Variants in CTNND2 observed in about 807,000 individuals in gnomAD.
The protein encoded by CTNND2 is catenin delta-2.
CTNND2 carries 22 observed loss-of-function variants against 144.4 expected under a neutral mutation model. The ratio of observed to expected loss-of-function variants is 0.15; its 90% CI spans 0.11 to 0.22. CTNND2 has a LOEUF of 0.22. CTNND2 is among the 10% of genes least tolerant of loss of function. The pLI, the probability that CTNND2 is intolerant of heterozygous loss-of-function variation, is 1.00. For synonymous variants in CTNND2, 751 were observed against 695.6 expected (o/e 1.08, Z -1.25); for missense variants, 1,353 against 1,618.8 (o/e 0.84, Z 2.82).
At chr5:11,235,715 C>G (rs1262380118) in intron 10 of CTNND2, among the ~76,000 whole-genome samples, 2 of 152,198 alleles carry the variant, frequency 1.3e-5, no homozygotes, top group Non-Finnish European at 2.9e-5. Context: ...GCTCTATATT[C>G]ATTCCACAAA....
At chr5:11,090,879 G>A (rs759538794) in intron 15 of CTNND2, among the ~76,000 whole-genome samples, 2 of 151,580 alleles carry the variant, frequency 1.3e-5, no homozygotes, top group African/African-American at 4.9e-5. Flanking sequence ...AGAAATCTGC[G>A]GTCTTCCTTA....
At chr5:11,892,067 C>T (rs1252616541) in intron 1 of CTNND2, among the ~76,000 whole-genome samples, 3 of 152,130 alleles carry the variant, frequency 2.0e-5, no homozygotes, top group Non-Finnish European at 4.4e-5. Context: ...CTTCTGACAT[C>T]ATAATATTCT....
chr5:11,104,786 T>G, intron 14 of CTNND2, among the ~76,000 whole-genome samples: 1 of 152,206 alleles, frequency 6.6e-6, no homozygotes, highest in African/African-American at 2.4e-5. Context: ...TATGTGGCAC[T>G]GCATTGTCTC....
intron 10 of CTNND2, among the ~76,000 whole-genome samples, chr5:11,229,840 TG>T (rs1727924846): frequency 6.6e-6 from 1 of 151,892 alleles, no homozygotes; most frequent in African/African-American, 2.4e-5. Flanking sequence ...CTCCTCTTTT[TG>T]TATAACTGTC....
chr5:11,770,467 T>A lies in CTNND2; in HGVS notation c.38-38195A>T, dbSNP rs1261030914. ...AGGAAGGAAGGAAGGAAGGAAGGGG[T>A]AGGGGTAGGGGAAGGGGAAGGAAGA... On this transcript the variant is annotated intron_variant, in intron 1 of 21. Transcript: ENST00000304623. Among the ~76,000 whole-genome samples the A allele has an allele frequency of 1.1e-3, 138 of 123,734 alleles. 2 individuals carry two copies. The highest frequency in any genetic ancestry group is 4.2e-3 in the African/African-American group (110 of 26,390). 81.2% of individuals were successfully genotyped at this position (123,734 alleles called of 152,430 possible).
chr5:11,111,040 C>A lies in CTNND2; in HGVS notation c.2281G>T (p.Val761Phe). The change falls in exon 14 of 22, where the codon GTT (valine) becomes TTT (phenylalanine). Residue 761 changes from valine (V) to phenylalanine (F), a missense_variant. By Grantham distance (50) the Val-to-Phe change is conservative. This residue lies in a region of CTNND2 where 459 missense variants were observed against 674.3 expected (regional missense o/e 0.68). Coordinates refer to ENST00000304623, the MANE Select transcript of CTNND2 (RefSeq NM_001332.4). ...CTTAAAATGCACACACAGTTTTCAA[C>A]GGTCTGCAGAAAAGGGGGAAACAGA... ...LGSSEIDSKT[V>F]ENCVCILRNL... 1 of 1,612,046 alleles carries A rather than the reference C, an allele frequency of 6.2e-7. No individual in the cohort carries two copies. Among genetic ancestry groups the A allele is most frequent in the Non-Finnish European group, 8.5e-7 (1 of 1,178,344 alleles).
At chr5:11,138,401 A>G (rs1208440008) in intron 12 of CTNND2, among the ~76,000 whole-genome samples, 3 of 152,172 alleles carry the variant, frequency 2.0e-5, no homozygotes, top group African/African-American at 4.8e-5. Context: ...TTTGGGGGCC[A>G]CTATTCTGTC....
intron 3 of CTNND2, among the ~76,000 whole-genome samples, chr5:11,505,339 G>GA (rs1254425914): frequency 6.6e-6 from 1 of 152,166 alleles, no homozygotes; most frequent in Non-Finnish European, 1.5e-5. Context: ...GAGAAGTTGA[G>GA]AAAATCCAGT....
intron 1 of CTNND2, among the ~76,000 whole-genome samples, chr5:11,878,525 C>A (rs771371501): frequency 6.6e-6 from 1 of 152,082 alleles, no homozygotes; most frequent in Non-Finnish European, 1.5e-5. Context: ...TGTTCTATAC[C>A]CCAGATCTCA....
chr5:11,024,456 G>A (rs578128500), intron 16 of CTNND2, among the ~76,000 whole-genome samples: 2 of 152,200 alleles, frequency 1.3e-5, no homozygotes, highest in African/African-American at 4.8e-5. Flanking sequence ...GTTTACTTTC[G>A]TAGGGCTCAG....
chr5:10,998,216 G>C (rs941430188), intron 18 of CTNND2, among the ~76,000 whole-genome samples: 1 of 152,150 alleles, frequency 6.6e-6, no homozygotes, highest in African/African-American at 2.4e-5. Flanking sequence ...GATTGGGTTA[G>C]TATACAACTG....
chr5:11,836,520 A>C (rs1794188912), intron 1 of CTNND2, among the ~76,000 whole-genome samples: 1 of 150,814 alleles, frequency 6.6e-6, no homozygotes, highest in Non-Finnish European at 1.5e-5. Context: ...AATACCACTA[A>C]AAGGAGCCAA....
intron 2 of CTNND2, among the ~76,000 whole-genome samples, chr5:11,716,687 A>T (rs1250017279): frequency 1.3e-5 from 2 of 151,616 alleles, no homozygotes; most frequent in Non-Finnish European, 2.9e-5. Context: ...TTATTTATTT[A>T]TTTATTTATT....
At chr5:11,489,491 T>G (rs1769183896) in intron 3 of CTNND2, among the ~76,000 whole-genome samples, 1 of 152,182 alleles carries the variant, frequency 6.6e-6, no homozygotes, top group South Asian at 2.1e-4. Flanking sequence ...CATTTTCCTT[T>G]CAAAAATTCA....
chr5:11,522,402 A>ATTATTAG (rs1035307414), intron 3 of CTNND2, among the ~76,000 whole-genome samples: 2 of 152,312 alleles, frequency 1.3e-5, no homozygotes, highest in African/African-American at 4.8e-5. Flanking sequence ...TTCCAGCTGT[A>ATTATTAG]AAACCCTAAG....
chr5:11,550,473 A>G (rs188388661), intron 3 of CTNND2, among the ~76,000 whole-genome samples: 27 of 152,368 alleles, frequency 1.8e-4, no homozygotes, highest in African/African-American at 6.3e-4. Context: ...GTTAATTGTT[A>G]AATTTCGAGG....
chr5:11,796,222 A>C (rs1791394323), intron 1 of CTNND2, among the ~76,000 whole-genome samples: 1 of 152,186 alleles, frequency 6.6e-6, no homozygotes, highest in South Asian at 2.1e-4. Context: ...CTGCCATGCT[A>C]ACCCCCCTCA....
chr5:11,662,195 G>GTGTATATATGCATATATGTGTATATATT (rs1783278047), intron 2 of CTNND2, among the ~76,000 whole-genome samples: 1 of 134,964 alleles, frequency 7.4e-6, no homozygotes, highest in African/African-American at 2.9e-5. Flanking sequence ...GTGTATATAT[G>GTGTATATATGCATATATGTGTATATATT]TGTATATATG....
intron 1 of CTNND2, among the ~76,000 whole-genome samples, chr5:11,819,786 G>A (rs1390326191): frequency 6.6e-6 from 1 of 152,142 alleles, no homozygotes; most frequent in African/African-American, 2.4e-5. Flanking sequence ...CCCTGTCTTG[G>A]AAGTTTATGA....
Sources: gnomAD v4.1 joint callset for allele counts (sites outside exome capture counted in the v4.1 genomes callset) on GRCh38, gnomAD v4.1.1 for gene constraint, gnomAD v4.1.1 regional missense constraint, MANE v1.5 for transcripts, NCBI Gene and HGNC (gene_info 2026-07-23, HGNC 2026-07-21) for gene names.